SLC29A3: variants seen among roughly 807,000 people sequenced by gnomAD.
SLC29A3 encodes the protein solute carrier family 29 member 3.
Under a neutral mutation model 25.4 loss-of-function variants are expected in SLC29A3, and 18 were observed. That is an observed-to-expected ratio of 0.71 (90% CI 0.49 to 1.05). The LOEUF is 1.05. Among genes scored for constraint, SLC29A3 ranks in the 50% least tolerant of loss-of-function variants. The pLI, the probability that SLC29A3 is intolerant of heterozygous loss-of-function variation, is 0.00. For synonymous variants in SLC29A3, 258 were observed against 267.1 expected, an observed-to-expected ratio of 0.97 and a Z score of 0.33; for missense variants, 586 against 609.0, an observed-to-expected ratio of 0.96 and a Z score of 0.40.
intron 4 of SLC29A3, among the ~76,000 whole-genome samples, chr10:71,353,415 T>C (rs1846814561): frequency 6.6e-6 from 1 of 152,174 alleles, no homozygotes. Flanking sequence ...ATCCCCTTAG[T>C]TCCTTCCATC....
chr10:71,321,455 C>G (rs1845844303), intron 1 of SLC29A3, among the ~76,000 whole-genome samples: 1 of 152,120 alleles, frequency 6.6e-6, no homozygotes, highest in Non-Finnish European at 1.5e-5. Flanking sequence ...CTGAAGTGTC[C>G]CATCCTCAGC....
chr10:71,324,266 G>C (rs528781821), intron 2 of SLC29A3, among the ~76,000 whole-genome samples: 4 of 152,112 alleles, frequency 2.6e-5, no homozygotes, highest in African/African-American at 9.7e-5. Context: ...GAACAACAAG[G>C]GTTCACTTTA....
chr10:71,349,005 TG>T (rs1313495444), intron 3 of SLC29A3, among the ~76,000 whole-genome samples: 1 of 152,062 alleles, frequency 6.6e-6, no homozygotes, highest in African/African-American at 2.4e-5. Context: ...AGGAGGGAGC[TG>T]GGGTATTTAT....
chr10:71,358,202 C>T (rs1219461001), intron 5 of SLC29A3, among the ~76,000 whole-genome samples: 3 of 152,120 alleles, frequency 2.0e-5, no homozygotes, highest in Non-Finnish European at 4.4e-5. Context: ...ATCCCTGGCT[C>T]GCAACTGCAA....
chr10:71,372,646 G>A (rs1205922807), intron 3 of SLC29A3, among the ~76,000 whole-genome samples: 1 of 152,232 alleles, frequency 6.6e-6, no homozygotes, highest in Non-Finnish European at 1.5e-5. Context: ...GGGAGAGAAA[G>A]TGAGGGCTTC....
chr10:71,330,853 T>G (rs537919985), intron 2 of SLC29A3, among the ~76,000 whole-genome samples: 9 of 151,914 alleles, frequency 5.9e-5, no homozygotes, highest in Non-Finnish European at 1.0e-4. Context: ...TTTTTCATGA[T>G]CTTTTGTTTG....
downstream of SLC29A3, among the ~76,000 whole-genome samples, chr10:71,367,765 T>TC (rs1213197542): frequency 6.6e-6 from 1 of 152,144 alleles, no homozygotes; most frequent in Non-Finnish European, 1.5e-5. Flanking sequence ...TAAGAACAGT[T>TC]CCGGTGCTTG....
chr10:71,347,058 G>T (rs776943881), intron 3 of SLC29A3, among the ~76,000 whole-genome samples: 161 of 152,298 alleles, frequency 1.1e-3, no homozygotes, highest in Non-Finnish European at 1.7e-3. Flanking sequence ...GGCAATGCAG[G>T]AACATCCTCT....
chr10:71,370,792 T>C (rs1847206366), intron 3 of SLC29A3, among the ~76,000 whole-genome samples: 2 of 152,186 alleles, frequency 1.3e-5, no homozygotes, highest in South Asian at 4.1e-4. Flanking sequence ...AATTTTTTAT[T>C]GATACATAAT....
At chr10:71,321,089 G>GTGAC (rs1412601299) in intron 1 of SLC29A3, among the ~76,000 whole-genome samples, 1 of 152,218 alleles carries the variant, frequency 6.6e-6, no homozygotes, top group Non-Finnish European at 1.5e-5. Context: ...AGCCTCAAGT[G>GTGAC]TGACCTCTGT....
intron 2 of SLC29A3, among the ~76,000 whole-genome samples, chr10:71,334,365 G>T (rs921422290): frequency 1.3e-5 from 2 of 152,194 alleles, no homozygotes; most frequent in African/African-American, 4.8e-5. Context: ...GATTTGGCCC[G>T]GGGGTAACCC....
downstream of SLC29A3, among the ~76,000 whole-genome samples, chr10:71,367,205 T>C (rs1443308155): frequency 3.2e-5 from 2 of 62,264 alleles, no homozygotes; most frequent in East Asian, 7.5e-4. Context: ...GCCGTGGTGA[T>C]GGTAGAGCCT....
At chr10:71,351,825 C>T (rs778385001) in intron 4 of SLC29A3, 37 bp downstream of exon 4, 6 of 1,564,708 alleles carry the variant, frequency 3.8e-6, no homozygotes, top group Non-Finnish European at 4.3e-6. Context: ...CCAGGTTCAT[C>T]CACCCAGGAG....
chr10:71,376,827 G>T (rs1305858571), intron 4 of SLC29A3, among the ~76,000 whole-genome samples: 1 of 152,086 alleles, frequency 6.6e-6, no homozygotes, highest in Non-Finnish European at 1.5e-5. Flanking sequence ...GCAGTGGTGT[G>T]ATCTCAGCTT....
At chr10:71,341,287 C>T (rs1846402413) in intron 2 of SLC29A3, among the ~76,000 whole-genome samples, 1 of 152,178 alleles carries the variant, frequency 6.6e-6, no homozygotes, top group Non-Finnish European at 1.5e-5. Flanking sequence ...TGGCTGTGGA[C>T]AGGGGACCAA....
At chr10:71,338,304 G>A (rs1356353410) in intron 2 of SLC29A3, among the ~76,000 whole-genome samples, 5 of 152,230 alleles carry the variant, frequency 3.3e-5, no homozygotes, top group Non-Finnish European at 5.9e-5. Context: ...ACAGAGGTGG[G>A]GGCTTTTCTC....
At chr10:71,369,882 C>G (rs1248224876) in intron 3 of SLC29A3, among the ~76,000 whole-genome samples, 3 of 152,216 alleles carry the variant, frequency 2.0e-5, no homozygotes, top group Non-Finnish European at 4.4e-5. Context: ...CCTGTCTTTC[C>G]TCTTCACCCT....
intron 2 of SLC29A3, among the ~76,000 whole-genome samples, chr10:71,327,257 C>A (rs1402425003): frequency 1.3e-5 from 2 of 152,214 alleles, no homozygotes; most frequent in East Asian, 3.8e-4. Flanking sequence ...GGGCTCATTT[C>A]CTTCTGCCTG....
chr10:71,357,211 C>G (rs930193802), intron 5 of SLC29A3, among the ~76,000 whole-genome samples: 1 of 152,088 alleles, frequency 6.6e-6, no homozygotes, highest in Non-Finnish European at 1.5e-5. Flanking sequence ...GTCAGGAGAT[C>G]GAGACCATCC....
Sources: gnomAD v4.1 joint callset for allele counts (sites outside exome capture counted in the v4.1 genomes callset) on GRCh38, gnomAD v4.1.1 for gene constraint, MANE v1.5 for transcripts, NCBI Gene and HGNC (gene_info 2026-07-23, HGNC 2026-07-21) for gene names.